Variants in LEF1 observed in about 807,000 individuals in gnomAD.
LEF1 encodes lymphoid enhancer-binding factor 1.
LEF1 carries 14 observed loss-of-function variants against 51.2 expected under a neutral mutation model. The observed-to-expected ratio is 0.27, with a 90% CI of 0.18 to 0.43. The LOEUF (loss-of-function observed/expected upper bound fraction) is 0.43, where lower values mean the gene tolerates loss of function less well. Ranked by LOEUF, LEF1 falls within the 20% of genes least tolerant of loss-of-function variation. The probability of loss-of-function intolerance (pLI) is 1.00; values close to 1 mark genes in which losing one functional copy is unlikely to be tolerated. For missense variants in LEF1, 386 were observed against 512.0 expected (o/e 0.75, Z 2.37); for synonymous variants, 185 against 183.2 (o/e 1.01, Z -0.08).
rs1358313844 is a variant in LEF1 at position 108,099,552 on chromosome 4, G to GTA, written c.415-10296_415-10295insTA. 5.2e-3 allele frequency among the ~76,000 whole-genome samples: 221 copies of GTA among 42,372 alleles called. 11 individuals carry two copies. Among genetic ancestry groups the GTA allele is most frequent in the South Asian group, 0.024 (29 of 1,212 alleles). 27.8% of individuals were successfully genotyped at this position (42,372 alleles called of 152,430 possible). ...TATATATATGTGTATATGTGTGTGT[G>GTA]TGTATGTGTGTGTGTGTGTATATAT... On this transcript the variant is annotated intron_variant, in intron 3 of 11. Coordinates refer to ENST00000265165, the MANE Select transcript of LEF1 (RefSeq NM_016269.5).
chr4:108,130,580 A>G (rs1742810292), intron 3 of LEF1, among the ~76,000 whole-genome samples: 1 of 151,532 alleles, frequency 6.6e-6, no homozygotes, highest in African/African-American at 2.4e-5. Context: ...AAAAAAAAAA[A>G]ATGGCAAGGT....
At chr4:108,157,407 T>G (rs1212770686) in intron 3 of LEF1, among the ~76,000 whole-genome samples, 1 of 152,142 alleles carries the variant, frequency 6.6e-6, no homozygotes, top group African/African-American at 2.4e-5. Context: ...TTGGTCAGGC[T>G]GGTCTCAAAC....
intron 3 of LEF1, among the ~76,000 whole-genome samples, chr4:108,119,975 T>C (rs1233123645): frequency 6.7e-6 from 1 of 149,202 alleles, no homozygotes; most frequent in Non-Finnish European, 1.5e-5. Flanking sequence ...TGTACCATTA[T>C]ATGTGTATAT....
chr4:108,160,109 T>C (rs889735825), intron 3 of LEF1, among the ~76,000 whole-genome samples: 33 of 152,312 alleles, frequency 2.2e-4, no homozygotes, highest in African/African-American at 7.2e-4. Context: ...TTGGGTTGCA[T>C]GCGGGACAAA....
intron 3 of LEF1, among the ~76,000 whole-genome samples, 175 bp from the exon 4 acceptor site, chr4:108,089,432 G>A (rs993590677): frequency 2.0e-5 from 3 of 152,054 alleles, no homozygotes; most frequent in Non-Finnish European, 2.9e-5. Context: ...TTTTTCCATG[G>A]TAAATACTTC....
At chr4:108,150,343 A>G (rs1343362026) in intron 3 of LEF1, among the ~76,000 whole-genome samples, 1 of 152,192 alleles carries the variant, frequency 6.6e-6, no homozygotes, top group East Asian at 1.9e-4. Flanking sequence ...TTAGTCCCTA[A>G]GACTTGGGGA....
intron 3 of LEF1, among the ~76,000 whole-genome samples, chr4:108,158,315 G>C (rs1260916651): frequency 1.3e-5 from 2 of 152,108 alleles, no homozygotes; most frequent in Non-Finnish European, 2.9e-5. Context: ...TAAGTGTCTT[G>C]ATTACTACAG....
chr4:108,149,653 GTATATA>G (rs1176632198), intron 3 of LEF1, among the ~76,000 whole-genome samples: 1 of 146,852 alleles, frequency 6.8e-6, no homozygotes, highest in African/African-American at 2.5e-5. Flanking sequence ...ATGTACATGT[GTATATA>G]TATATATAAC....
chr4:108,143,102 AG>A (rs1473394903), intron 3 of LEF1, among the ~76,000 whole-genome samples: 1 of 152,242 alleles, frequency 6.6e-6, no homozygotes, highest in Non-Finnish European at 1.5e-5. Flanking sequence ...TTTGTTTGAA[AG>A]GATTTTGAAT....
chr4:108,088,667 G>A (rs1739809969), intron 4 of LEF1, among the ~76,000 whole-genome samples: 1 of 152,194 alleles, frequency 6.6e-6, no homozygotes, highest in African/African-American at 2.4e-5. Flanking sequence ...TGTAGAATAT[G>A]TAACCTAGTG....
intron 1 of LEF1, 29 bp from the exon 2 acceptor site, chr4:108,165,192 G>A: frequency 1.2e-6 from 2 of 1,603,446 alleles, no homozygotes; most frequent in Non-Finnish European, 1.7e-6. Flanking sequence ...ACACCCAAAA[G>A]AAAGAAAATC....
At chr4:108,098,991 G>A (rs1178530148) in intron 3 of LEF1, among the ~76,000 whole-genome samples, 1 of 152,164 alleles carries the variant, frequency 6.6e-6, no homozygotes, top group Admixed American at 6.5e-5. Flanking sequence ...GTAGCCATTA[G>A]GCATTAGGTC....
rs148746211 is a variant in LEF1, at chr4:108,151,861, C to T, written c.414+11707G>A. On this transcript the variant is annotated intron_variant, in intron 3 of 11. Coordinates refer to ENST00000265165, the MANE Select transcript of LEF1 (RefSeq NM_016269.5). ...ATTTTTAAGAGATTCCATTTAAATACGGATTGATACCTGGTGTTGTTGCGT... is the reference window on the plus strand; with the variant it reads ...ATTTTTAAGAGATTCCATTTAAATATGGATTGATACCTGGTGTTGTTGCGT... Among the ~76,000 whole-genome samples, 12 of 152,264 alleles carry T rather than the reference C, an allele frequency of 7.9e-5. No individual in the cohort carries two copies. The East Asian group carries it at 9.7e-4, about 12-fold the overall frequency.
At chr4:108,122,839 T>C (rs1742263314) in intron 3 of LEF1, among the ~76,000 whole-genome samples, 1 of 152,208 alleles carries the variant, frequency 6.6e-6, no homozygotes, top group Non-Finnish European at 1.5e-5. Flanking sequence ...ATCAGCTATG[T>C]AGCTATTTAA....
At chr4:108,086,966 A>G (rs1439860397) in intron 4 of LEF1, among the ~76,000 whole-genome samples, 1 of 152,148 alleles carries the variant, frequency 6.6e-6, no homozygotes, top group African/African-American at 2.4e-5. Context: ...CTAGGGTTAA[A>G]GTGTGAATAT....
chr4:108,092,942 A>AAAAAAAAAAAAAAAACAAC (rs1553952210), intron 3 of LEF1, among the ~76,000 whole-genome samples: 2 of 144,962 alleles, frequency 1.4e-5, no homozygotes, highest in Non-Finnish European at 3.1e-5. Context: ...AAAAAAAAAA[A>AAAAAAAAAAAAAAAACAAC]AAAAAAAGAC....
chr4:108,135,918 A>T (rs546268660), intron 3 of LEF1, among the ~76,000 whole-genome samples: 4 of 152,194 alleles, frequency 2.6e-5, no homozygotes, highest in Non-Finnish European at 4.4e-5. Context: ...ATCCTGCCCA[A>T]ATGTGAACTG....
chr4:108,050,849 G>C (rs1736941882), intron 11 of LEF1, among the ~76,000 whole-genome samples: 1 of 152,048 alleles, frequency 6.6e-6, no homozygotes, highest in Admixed American at 6.6e-5. Context: ...GAAGTACTGA[G>C]GTACAGACAA....
chr4:108,094,445 C>A (rs1450176181), intron 3 of LEF1, among the ~76,000 whole-genome samples: 1 of 152,176 alleles, frequency 6.6e-6, no homozygotes, highest in Non-Finnish European at 1.5e-5. Context: ...GAGCCACCCC[C>A]AAAGCAGCAT....
Sources: gnomAD v4.1 joint callset for allele counts (sites outside exome capture counted in the v4.1 genomes callset) on GRCh38, gnomAD v4.1.1 for gene constraint, MANE v1.5 for transcripts, NCBI Gene and HGNC (gene_info 2026-07-23, HGNC 2026-07-21) for gene names.